DDHD1: variants seen among roughly 807,000 people sequenced by gnomAD.
The protein encoded by DDHD1 is DDHD domain containing 1.
In DDHD1, 49 loss-of-function variants were observed where a neutral mutation model predicts 96.4. The observed-to-expected ratio is 0.51, with a 90% confidence interval of 0.40 to 0.64. The LOEUF is 0.64. Among genes scored for constraint, DDHD1 ranks in the 30% least tolerant of loss-of-function variants. The probability of loss-of-function intolerance (pLI) is 0.00; values close to 1 mark genes in which losing one functional copy is unlikely to be tolerated. For missense variants in DDHD1, 1,106 were observed against 1,161.2 expected (o/e 0.95, Z 0.69); for synonymous variants, 442 against 446.5 (o/e 0.99, Z 0.13).
In DDHD1 at chr14:53,044,908, T is replaced by C. The variant is rs1405107156; in HGVS notation, c.*1860A>G. 1 of 152,086 alleles carries C rather than the reference T, an allele frequency of 6.6e-6. No homozygotes were observed. The highest frequency in any genetic ancestry group is 1.5e-5 in the Non-Finnish European group (1 of 68,008). 9.4% of individuals were successfully genotyped at this position (152,086 alleles called of 1,614,324 possible). A position where few individuals can be genotyped will look rare whatever the true frequency, so the allele number is the denominator to read the frequency against. ...ACCAACTTTGCTCCCAGTTTGACAA[T>C]GATTATTGGGAAGCTAAGCAATTCC... On this transcript the variant is annotated 3_prime_UTR_variant, in exon 13 of 13. Transcript: ENST00000673822.
rs573858184 is a variant in DDHD1 at position 53,069,913 on chromosome 14, T to G, written c.1503+2684A>C. Among the ~76,000 whole-genome samples, 7 of 152,340 alleles carry G rather than the reference T, an allele frequency of 4.6e-5. No homozygotes were observed. The East Asian group carries it at 1.3e-3, about 29-fold the overall frequency. On this transcript the variant is annotated intron_variant, in intron 6 of 12. Coordinates refer to ENST00000673822, the MANE Select transcript of DDHD1 (RefSeq NM_001160148.2). ...AAATTCATCTGGATCAAAAGACTAA[T>G]TCAAAGGACTGGGTGTTCCCTTTGC... is the stretch of plus-strand genomic sequence containing the variant.
At position 53,062,923 on chromosome 14, in the gene DDHD1, A is replaced by G. The variant is rs376653591; in HGVS notation, c.1766+20T>C. 6.2e-7 allele frequency: 1 copy of G among 1,600,154 alleles called. No individual in the cohort carries two copies. The highest frequency in any genetic ancestry group is 8.5e-7 in the Non-Finnish European group (1 of 1,172,796). On this transcript the variant is annotated intron_variant, in intron 7 of 12. Transcript: ENST00000673822. ...CCATAAAGACATTTAAAAATTTTTC[A>G]AAAGATGAGGATATTTTACCGTCGT...
intron 2 of DDHD1, among the ~76,000 whole-genome samples, chr14:53,097,398 C>T (rs1312074302): frequency 2.6e-5 from 4 of 151,922 alleles, no homozygotes; most frequent in East Asian, 3.8e-4. Flanking sequence ...AGCTGTGCTA[C>T]GTCAGGATTA....
At chr14:53,140,266 G>A (rs1277876606) in intron 1 of DDHD1, among the ~76,000 whole-genome samples, 1 of 152,190 alleles carries the variant, frequency 6.6e-6, no homozygotes, top group African/African-American at 2.4e-5. Context: ...TGATGCAGCG[G>A]CTCATGCCTA....
At chr14:53,125,904 T>G (rs995941175) in intron 1 of DDHD1, among the ~76,000 whole-genome samples, 97 of 152,304 alleles carry the variant, frequency 6.4e-4, no homozygotes, top group African/African-American at 2.2e-3. Context: ...GGTTTCACCA[T>G]GTTGACCAGG....
chr14:53,131,932 T>A (rs150236070), intron 1 of DDHD1, among the ~76,000 whole-genome samples: 2 of 152,290 alleles, frequency 1.3e-5, no homozygotes, highest in Non-Finnish European at 2.9e-5. Flanking sequence ...CTGCTGATCA[T>A]GTCCAGCTAA....
intron 4 of DDHD1, 21 bp downstream of exon 4, chr14:53,091,764 T>C (rs1334208780): frequency 2.5e-6 from 4 of 1,610,346 alleles, no homozygotes; most frequent in Admixed American, 1.7e-5. Context: ...AGATATACAA[T>C]GCATTCATCA....
intron 11 of DDHD1, among the ~76,000 whole-genome samples, chr14:53,052,195 A>G (rs554935737): frequency 1.3e-5 from 2 of 151,868 alleles, no homozygotes; most frequent in East Asian, 3.9e-4. Context: ...TAGATGCAAA[A>G]CAATGCTAAA....
chr14:53,152,135 T>C, intron 1 of DDHD1, 126 bp downstream of exon 1: 1 of 989,572 alleles, frequency 1.0e-6, no homozygotes, highest in Non-Finnish European at 1.4e-6. Context: ...ATCTCCATCC[T>C]GCCCCAGCCA....
chr14:53,055,932 T>A lies in DDHD1; in HGVS notation c.1993-20A>T, dbSNP rs1283944519. ...ATAAGCCTTGATTTAAAAAAAAAAA[T>A]TCAAAGAAACACAGTGTTAAATCAC... On this transcript the variant is annotated intron_variant, in intron 9 of 12. Coordinates refer to ENST00000673822, the MANE Select transcript of DDHD1 (RefSeq NM_001160148.2). 4 of 1,576,866 alleles carry A rather than the reference T, an allele frequency of 2.5e-6. No homozygotes were observed. Among genetic ancestry groups the A allele is most frequent in the East Asian group, 2.2e-5 (1 of 44,518 alleles).
At chr14:53,149,001 T>C (rs904701329) in intron 1 of DDHD1, among the ~76,000 whole-genome samples, 6 of 152,220 alleles carry the variant, frequency 3.9e-5, no homozygotes, top group African/African-American at 1.4e-4. Context: ...CAGCAATGAT[T>C]AGTTTTTATC....
At chr14:53,083,915 T>C (rs1467915327) in intron 4 of DDHD1, among the ~76,000 whole-genome samples, 2 of 143,048 alleles carry the variant, frequency 1.4e-5, no homozygotes, top group Non-Finnish European at 1.5e-5. Flanking sequence ...ACACTTGGGT[T>C]TTTTTTTGAG....
chr14:53,051,651 A>G (rs1419879758), intron 12 of DDHD1, among the ~76,000 whole-genome samples, 193 bp downstream of exon 12: 3 of 151,968 alleles, frequency 2.0e-5, no homozygotes, highest in South Asian at 2.1e-4. Flanking sequence ...TGGCTAGTCA[A>G]TTTTCAGGTT....
chr14:53,135,360 G>A (rs937504987), intron 1 of DDHD1, among the ~76,000 whole-genome samples: 9 of 151,948 alleles, frequency 5.9e-5, no homozygotes, highest in African/African-American at 2.2e-4. Context: ...TATTCTCTAC[G>A]CCCTTGAGAA....
chr14:53,049,010 A>C (rs922335826), intron 12 of DDHD1: 7 of 152,198 alleles, frequency 4.6e-5, no homozygotes, highest in African/African-American at 1.7e-4. Flanking sequence ...TCTGTTTTTT[A>C]AGTCAAAGAA....
intron 1 of DDHD1, among the ~76,000 whole-genome samples, chr14:53,107,467 C>T (rs750271626): frequency 1.3e-5 from 2 of 152,076 alleles, no homozygotes; most frequent in African/African-American, 2.4e-5. Flanking sequence ...GAGACTTCAT[C>T]ACACCAATCA....
intron 9 of DDHD1, 78 bp from the exon 10 acceptor site, chr14:53,055,990 T>C (rs1566520614): frequency 8.3e-6 from 10 of 1,208,268 alleles, no homozygotes; most frequent in Non-Finnish European, 9.3e-6. Context: ...GTTCTTACTC[T>C]ACTGCATGTT....
Position 53,055,821 on chromosome 14 carries a change from T to C in DDHD1, c.2084A>G (p.Tyr695Cys). ...GAGAAAGCTTGGCTTCATATGTTCA[T>C]AAGGTAAAGGATTTGAAGTATTGTA... The part of the protein sequence containing the change: ...HWYNTSNPLP[Y>C]EHMKPSFLNP... The change falls in exon 10 of 13, where the codon TAT becomes TGT. Residue 695 changes from tyrosine to cysteine, a missense_variant. Tyr to Cys is a radical substitution (Grantham distance 194). Coordinates refer to ENST00000673822, the MANE Select transcript of DDHD1 (RefSeq NM_001160148.2). 1 of 1,614,040 alleles carries C rather than the reference T, an allele frequency of 6.2e-7. No individual in the cohort carries two copies. The highest frequency in any genetic ancestry group is 8.5e-7 in the Non-Finnish European group (1 of 1,179,970).
At chr14:53,140,645 T>A (rs1890584435) in intron 1 of DDHD1, among the ~76,000 whole-genome samples, 1 of 151,430 alleles carries the variant, frequency 6.6e-6, no homozygotes, top group African/African-American at 2.4e-5. Flanking sequence ...CAAAATCCAA[T>A]CCCAAAGAAG....
Sources: gnomAD v4.1 joint callset for allele counts (sites outside exome capture counted in the v4.1 genomes callset) on GRCh38, gnomAD v4.1.1 for gene constraint, MANE v1.5 for transcripts, NCBI Gene and HGNC (gene_info 2026-07-23, HGNC 2026-07-21) for gene names.